SOX6: variants seen among roughly 807,000 people sequenced by gnomAD.
SOX6 encodes the protein transcription factor SOX-6.
A neutral mutation model predicts 97.8 loss-of-function variants in SOX6; 11 were observed. The ratio of observed to expected loss-of-function variants is 0.11; its 90% CI spans 0.07 to 0.19. The LOEUF is 0.19. Among genes scored for constraint, SOX6 ranks in the 10% least tolerant of loss-of-function variants. The pLI is 1.00. For missense variants in SOX6, 810 were observed against 1,039.5 expected (o/e 0.78, Z 3.04); for synonymous variants, 360 against 371.4 (o/e 0.97, Z 0.35).
At chr11:15,976,932 G>C (rs1194076771) in intron 15 of SOX6, among the ~76,000 whole-genome samples, 1 of 151,976 alleles carries the variant, frequency 6.6e-6, no homozygotes, top group Non-Finnish European at 1.5e-5. Context: ...AAGGCCCTCG[G>C]AAGAGTTGGT....
chr11:16,484,604 G>A (rs1290197540), intron 4 of SOX6: 7 of 696,988 alleles, frequency 1.0e-5, no homozygotes, highest in Non-Finnish European at 1.9e-5. Flanking sequence ...GCGTGGAGGG[G>A]GCTTCCAGGT....
chr11:16,368,003 T>C (rs1381572158), intron 1 of SOX6, among the ~76,000 whole-genome samples: 1 of 152,164 alleles, frequency 6.6e-6, no homozygotes, highest in African/African-American at 2.4e-5. Context: ...ATCTCATTAT[T>C]CAGGGACTTA....
intron 4 of SOX6, among the ~76,000 whole-genome samples, chr11:16,213,484 T>C (rs1852284820): frequency 1.3e-5 from 2 of 152,040 alleles, no homozygotes; most frequent in Non-Finnish European, 2.9e-5. Flanking sequence ...GAGTATTAAA[T>C]ACAATGAAAA....
chr11:16,371,714 T>G (rs1857498672), intron 1 of SOX6, among the ~76,000 whole-genome samples: 1 of 152,176 alleles, frequency 6.6e-6, no homozygotes, highest in South Asian at 2.1e-4. Flanking sequence ...TTGCCTTCAT[T>G]CTAAAGTGTA....
At chr11:16,558,636 G>A (rs187118546) in intron 4 of SOX6, among the ~76,000 whole-genome samples, 1 of 152,030 alleles carries the variant, frequency 6.6e-6, no homozygotes, top group East Asian at 1.9e-4. Context: ...TTGTACTCTA[G>A]TAAACTGAGA....
chr11:16,246,219 T>C (rs990775030), intron 3 of SOX6, among the ~76,000 whole-genome samples: 3 of 151,608 alleles, frequency 2.0e-5, no homozygotes, highest in Non-Finnish European at 4.4e-5. Context: ...AGGTATTAGT[T>C]CCATATGTTT....
intron 7 of SOX6, among the ~76,000 whole-genome samples, chr11:16,100,791 T>A (rs1848925631): frequency 6.7e-6 from 1 of 149,744 alleles, no homozygotes; most frequent in Admixed American, 6.7e-5. Flanking sequence ...TGGGTAAAAG[T>A]CTGTCAATTT....
At chr11:16,366,774 T>C (rs2134385895) in intron 1 of SOX6, among the ~76,000 whole-genome samples, 1 of 149,524 alleles carries the variant, frequency 6.7e-6, no homozygotes, top group South Asian at 2.2e-4. Flanking sequence ...TCTGGTCCCT[T>C]CACTTTCTTT....
chr11:16,632,815 ACCCCCTG>A (rs1424767898), intron 3 of SOX6, among the ~76,000 whole-genome samples: 1 of 151,858 alleles, frequency 6.6e-6, no homozygotes, highest in Non-Finnish European at 1.5e-5. Flanking sequence ...GTGGAGAGGG[ACCCCCTG>A]CACCAAGATT....
intron 7 of SOX6, among the ~76,000 whole-genome samples, chr11:16,100,792 C>CT (rs2133979997): frequency 6.7e-6 from 1 of 150,284 alleles, no homozygotes; most frequent in South Asian, 2.1e-4. Flanking sequence ...GGGTAAAAGT[C>CT]TGTCAATTTA....
chr11:16,643,187 CCT>C (rs1341492122), intron 3 of SOX6, among the ~76,000 whole-genome samples: 30 of 152,278 alleles, frequency 2.0e-4, no homozygotes, highest in Admixed American at 2.0e-3. Context: ...CACTCCAGAC[CCT>C]GTTGGCCTGG....
intron 6 of SOX6, among the ~76,000 whole-genome samples, chr11:16,116,722 G>C (rs572157647): frequency 6.6e-6 from 1 of 152,310 alleles, no homozygotes; most frequent in Non-Finnish European, 1.5e-5. Context: ...ACCAGTACCA[G>C]GTTGTGGCCT....
chr11:16,283,913 G>A, intron 3 of SOX6: 1 of 431,090 alleles, frequency 2.3e-6, no homozygotes, highest in Non-Finnish European at 4.6e-6. Context: ...TTGAAAGAAA[G>A]ACTTGCTGAA....
intron 9 of SOX6, among the ~76,000 whole-genome samples, chr11:16,072,113 T>C (rs1848240582): frequency 6.6e-6 from 1 of 152,078 alleles, no homozygotes; most frequent in Non-Finnish European, 1.5e-5. Flanking sequence ...AAAAACAGAA[T>C]TCATTTCTGA....
chr11:16,001,896 A>G (rs1053413306), intron 13 of SOX6, among the ~76,000 whole-genome samples: 7 of 152,182 alleles, frequency 4.6e-5, no homozygotes, highest in African/African-American at 1.7e-4. Flanking sequence ...AAGAGGAACC[A>G]AAGGGAATTC....
At chr11:16,330,430 C>G (rs977832641) in intron 2 of SOX6, among the ~76,000 whole-genome samples, 2 of 152,120 alleles carry the variant, frequency 1.3e-5, no homozygotes, top group Admixed American at 6.6e-5. Flanking sequence ...TGGCACACAC[C>G]TGTAATCCCA....
At chr11:16,336,586 A>G (rs1351452911) in intron 2 of SOX6, among the ~76,000 whole-genome samples, 1 of 152,116 alleles carries the variant, frequency 6.6e-6, no homozygotes, top group Non-Finnish European at 1.5e-5. Context: ...TCTCTCTCAC[A>G]GTCCACTCTC....
intron 4 of SOX6, among the ~76,000 whole-genome samples, chr11:16,582,846 A>G (rs376499920): frequency 3.3e-5 from 5 of 152,122 alleles, no homozygotes; most frequent in African/African-American, 1.2e-4. Context: ...AAATGGTTTT[A>G]TAGGTAAGAT....
chr11:16,011,177 C>T (rs1383335534), intron 13 of SOX6, among the ~76,000 whole-genome samples: 1 of 151,962 alleles, frequency 6.6e-6, no homozygotes, highest in Non-Finnish European at 1.5e-5. Context: ...TACGAAAAGT[C>T]CATAAAAAGT....
Sources: gnomAD v4.1 joint callset for allele counts (sites outside exome capture counted in the v4.1 genomes callset) on GRCh38, gnomAD v4.1.1 for gene constraint, MANE v1.5 for transcripts, NCBI Gene and HGNC (gene_info 2026-07-23, HGNC 2026-07-21) for gene names.